The following TXNDC9 variants were observed in gnomAD, a reference collection of about 807,000 sequenced individuals.
The protein encoded by TXNDC9 is thioredoxin domain containing 9.
Under a neutral mutation model 23.0 loss-of-function variants are expected in TXNDC9, and 7 were observed. That is an observed-to-expected ratio of 0.30 (90% CI 0.17 to 0.57). TXNDC9 has a LOEUF of 0.57. Among genes scored for constraint, TXNDC9 ranks in the 20% least tolerant of loss-of-function variants. The pLI is 0.90. For synonymous variants in TXNDC9, 72 were observed against 90.6 expected, an observed-to-expected ratio of 0.79 and a Z score of 1.17; for missense variants, 198 against 252.6, an observed-to-expected ratio of 0.78 and a Z score of 1.47.
the TXNDC9 span, among the ~76,000 whole-genome samples, chr2:99,311,843 A>G: frequency 4.6e-5 from 7 of 152,256 alleles, no homozygotes; most frequent in African/African-American, 1.7e-4. Context: ...TTTAAGTAAC[A>G]AAGTTTTATT....
At chr2:99,307,251 T>G in the TXNDC9 span, among the ~76,000 whole-genome samples, 4 of 151,576 alleles carry the variant, frequency 2.6e-5, no homozygotes, top group African/African-American at 9.7e-5. Flanking sequence ...TTCTGAGGTA[T>G]GGCAAGAAAC....
intron 1 of TXNDC9, among the ~76,000 whole-genome samples, chr2:99,333,930 T>A (rs1361699770): frequency 6.6e-6 from 1 of 152,254 alleles, no homozygotes. Context: ...ACACTCCAAA[T>A]ACTTTTCTAA....
intron 3 of TXNDC9, among the ~76,000 whole-genome samples, chr2:99,325,020 A>G (rs540321379): frequency 7.9e-5 from 12 of 152,376 alleles, no homozygotes; most frequent in Admixed American, 4.6e-4. Context: ...CTGGGATTAC[A>G]GGCATGAGCC....
Position 99,319,665 on chromosome 2 carries a change from C to A in TXNDC9, c.*17G>T. 6.6e-7 allele frequency: 1 copy of A among 1,522,560 alleles called. No individual in the cohort carries two copies. The allele number at this position is 1,522,560 out of a possible 1,614,324, so 94.3% of individuals were successfully genotyped here. A position where few individuals can be genotyped will look rare whatever the true frequency, so the allele number is the denominator to read the frequency against. ...GAAGCAGAAAAAAAAAGACAATTTA[C>A]AAAGAATTATTGAGCTCTAATCATC... On this transcript the variant is annotated 3_prime_UTR_variant, in exon 5 of 5. Coordinates refer to ENST00000264255, the MANE Select transcript of TXNDC9 (RefSeq NM_005783.4).
downstream of TXNDC9, among the ~76,000 whole-genome samples, chr2:99,315,322 C>T (rs1385529613): frequency 6.6e-6 from 1 of 152,074 alleles, no homozygotes; most frequent in East Asian, 1.9e-4. Flanking sequence ...GCCTTGGCCT[C>T]CCAAAGTGCT....
At chr2:99,330,321 C>CAAAAAAAAAAAAAAAAAAAAAA (rs2094221940) in intron 2 of TXNDC9, among the ~76,000 whole-genome samples, 1 of 37,852 alleles carries the variant, frequency 2.6e-5, no homozygotes, top group South Asian at 8.8e-4. Flanking sequence ...AAAAAAAAAG[C>CAAAAAAAAAAAAAAAAAAAAAA]TGCTATTTCT....
chr2:99,332,603 A>G (rs926545993), intron 2 of TXNDC9, among the ~76,000 whole-genome samples: 3 of 152,222 alleles, frequency 2.0e-5, no homozygotes, highest in African/African-American at 7.2e-5. Flanking sequence ...AATATGCCAC[A>G]TAATTATTTC....
chr2:99,310,975 A>G, the TXNDC9 span, among the ~76,000 whole-genome samples: 1 of 151,904 alleles, frequency 6.6e-6, no homozygotes, highest in African/African-American at 2.4e-5. Flanking sequence ...AGTCTTCTTG[A>G]TCAGAATTTT....
the TXNDC9 span, among the ~76,000 whole-genome samples, chr2:99,311,902 G>A: frequency 1.3e-5 from 2 of 152,098 alleles, no homozygotes; most frequent in African/African-American, 4.8e-5. Context: ...TTTGTCAGTT[G>A]GTTTAAAAAT....
In TXNDC9 at chr2:99,322,192, C is replaced by A; in HGVS notation, c.326G>T (p.Arg109Ile). 1 of 1,614,058 alleles carries A rather than the reference C, an allele frequency of 6.2e-7. No homozygotes were observed. The highest frequency in any genetic ancestry group is 1.1e-5 in the South Asian group (1 of 91,066). Residue 109 changes from arginine (R) to isoleucine (I), a missense_variant, in exon 4 of 5, where the codon AGA becomes ATA. By Grantham distance (97) the Arg-to-Ile change is moderately conservative. Coordinates refer to ENST00000264255, the MANE Select transcript of TXNDC9 (RefSeq NM_005783.4). ...TTTCTTGGACAATATTGCCAGATGT[C>A]TGTCTAGTATTTTACACCTGTAAGT... is the stretch of plus-strand genomic sequence containing the variant. Reference protein sequence around the residue: ...DSTFRCKILDRHLAILSKKHL... With the variant: ...DSTFRCKILDIHLAILSKKHL...
chr2:99,313,771 G>C, the TXNDC9 span, among the ~76,000 whole-genome samples: 1 of 152,162 alleles, frequency 6.6e-6, no homozygotes, highest in Non-Finnish European at 1.5e-5. Context: ...AACAGTTCTA[G>C]CCTGCCATTG....
At chr2:99,317,375 C>T (rs1305444897), downstream of TXNDC9, among the ~76,000 whole-genome samples, 2 of 152,122 alleles carry the variant, frequency 1.3e-5, no homozygotes, top group Non-Finnish European at 2.9e-5. Flanking sequence ...CCCTCCAGCG[C>T]ATTTCTTCTT....
the TXNDC9 span, among the ~76,000 whole-genome samples, chr2:99,311,218 T>C: frequency 2.9e-3 from 436 of 152,238 alleles, 2 homozygotes; most frequent in African/African-American, 9.8e-3. Context: ...TTCCAACTGG[T>C]CTTCTGACAC....
At chr2:99,319,850 C>G (rs767527985) in intron 4 of TXNDC9, 51 bp from the exon 5 acceptor site, 1 of 1,075,928 alleles carries the variant, frequency 9.3e-7, no homozygotes, top group Non-Finnish European at 1.4e-6. Flanking sequence ...TACTAGTATA[C>G]TAAACTGCAC....
At chr2:99,335,626 G>A (rs2094237357) in intron 1 of TXNDC9, among the ~76,000 whole-genome samples, 1 of 152,218 alleles carries the variant, frequency 6.6e-6, no homozygotes, top group Non-Finnish European at 1.5e-5. Flanking sequence ...GAGGGGGCTG[G>A]AAGGAGAAGA....
intron 2 of TXNDC9, among the ~76,000 whole-genome samples, chr2:99,328,971 ACT>A (rs1398932061): frequency 6.6e-6 from 1 of 152,116 alleles, no homozygotes; most frequent in African/African-American, 2.4e-5. Flanking sequence ...ACAGAGTGAG[ACT>A]CTGTCTCAAA....
At chr2:99,308,705 T>C in the TXNDC9 span, among the ~76,000 whole-genome samples, 1 of 152,116 alleles carries the variant, frequency 6.6e-6, no homozygotes, top group African/African-American at 2.4e-5. Context: ...TTAAACATTT[T>C]TAAAATAAAA....
intron 2 of TXNDC9, 52 bp downstream of exon 2, chr2:99,332,970 T>C: frequency 7.0e-7 from 1 of 1,421,062 alleles, no homozygotes; most frequent in East Asian, 2.3e-5. Context: ...ATATATAAGT[T>C]GTTAGGCGCA....
downstream of TXNDC9, among the ~76,000 whole-genome samples, chr2:99,314,843 C>T (rs866410365): frequency 2.0e-5 from 3 of 150,358 alleles, no homozygotes; most frequent in Middle Eastern, 7.0e-3. Context: ...TTTTCATGTA[C>T]TTACTGCCCA....
Sources: gnomAD v4.1 joint callset for allele counts (sites outside exome capture counted in the v4.1 genomes callset) on GRCh38, gnomAD v4.1.1 for gene constraint, MANE v1.5 for transcripts, NCBI Gene and HGNC (gene_info 2026-07-23, HGNC 2026-07-21) for gene names.